MYRF: variants seen among roughly 807,000 people sequenced by gnomAD.
MYRF encodes the protein myelin gene regulatory factor.
In MYRF, 16 loss-of-function variants were observed where a neutral mutation model predicts 126.3. The observed-to-expected ratio is 0.13, with a 90% CI of 0.09 to 0.19. MYRF has a LOEUF of 0.19. Ranked by LOEUF, MYRF falls within the 10% of genes least tolerant of loss-of-function variation. The pLI, the probability that MYRF is intolerant of heterozygous loss-of-function variation, is 1.00. For synonymous variants in MYRF, 608 were observed against 635.3 expected, an observed-to-expected ratio of 0.96 and a Z score of 0.65; for missense variants, 1,104 against 1,547.0, an observed-to-expected ratio of 0.71 and a Z score of 4.80.
intron 5 of MYRF, among the ~76,000 whole-genome samples, chr11:61,771,243 C>T (rs1003293478): frequency 6.6e-6 from 1 of 152,218 alleles, no homozygotes; most frequent in Admixed American, 6.5e-5. Flanking sequence ...TGTTGCTGGG[C>T]ATGATGGAGA....
intron 21 of MYRF, 84 bp from the exon 22 acceptor site, chr11:61,781,489 C>T (rs569077696): frequency 2.1e-5 from 32 of 1,555,148 alleles, no homozygotes; most frequent in African/African-American, 2.7e-5. Context: ...ATGGGGTTCA[C>T]TCAGTCTTGT....
rs1035939511 is a variant in MYRF, at chr11:61,757,372, C to T, written c.46+4582C>T. 45 of 454,166 alleles carry T rather than the reference C, an allele frequency of 9.9e-5. No individual in the cohort carries two copies. The highest frequency in any genetic ancestry group is 8.0e-4 in the African/African-American group (40 of 50,142). 28.1% of individuals were successfully genotyped at this position (454,166 alleles called of 1,614,324 possible). A position where few individuals can be genotyped will look rare whatever the true frequency, so the allele number is the denominator to read the frequency against. On this transcript the variant is annotated intron_variant, in intron 1 of 26. Coordinates refer to ENST00000278836, the MANE Select transcript of MYRF (RefSeq NM_001127392.3). This position sits in a 1 kb window ranked among gnomAD's most constrained non-coding sequence, Gnocchi z 4.7. The stretch of plus-strand genomic sequence containing the variant: ...TGCCTCCGCTTTCTCATCTGTAAAA[C>T]GGGAGTGCAGTTGTAATGGCAGGGC...
Position 61,771,739 on chromosome 11 carries a change from C to T in MYRF, c.980C>T (p.Ala327Val), listed in dbSNP as rs758533263. ...VQTPPWHPPG[A>V]PSPGLLQDSD... ...ACACCGCCTTGGCACCCGCCAGGTG[C>T]CCCCTCCCCAGGTACATGGCTGGCC... Residue 327 changes from alanine (A) to valine (V), a missense_variant, in exon 6 of 27, where the codon GCC (alanine) becomes GTC (valine). By Grantham distance (64) the Ala-to-Val change is moderately conservative (BLOSUM62 0). Around this residue, in one of 10 missense-constraint regions of MYRF, gnomAD observed 87 missense variants for 129.2 expected, o/e 0.67. Coordinates refer to ENST00000278836, the MANE Select transcript of MYRF (RefSeq NM_001127392.3). 8 of 1,611,630 alleles carry T rather than the reference C, an allele frequency of 5.0e-6. No homozygotes were observed. The highest frequency in any genetic ancestry group is 1.3e-5 in the African/African-American group (1 of 75,006).
intron 15 of MYRF, 24 bp from the exon 16 acceptor site, chr11:61,779,474 C>T (rs1365104755): frequency 6.5e-7 from 1 of 1,537,970 alleles, no homozygotes; most frequent in African/African-American, 1.4e-5. Context: ...AGGGACACCC[C>T]TGATCCTGGC....
At chr11:61,782,105 C>A in intron 22 of MYRF, 1 of 371,828 alleles carries the variant, frequency 2.7e-6, no homozygotes, top group Non-Finnish European at 4.8e-6. Flanking sequence ...GGTTATACAG[C>A]CCCTCCGAGG....
intron 1 of MYRF, among the ~76,000 whole-genome samples, chr11:61,765,208 C>T (rs1231317910): frequency 6.6e-6 from 1 of 152,228 alleles, no homozygotes; most frequent in Non-Finnish European, 1.5e-5. Flanking sequence ...GCAGTGGGCA[C>T]CCACGGGGCT....
In MYRF at chr11:61,780,624, C is replaced by T. The variant is rs886290593; in HGVS notation, c.2406-88C>T. 45 of 1,323,704 alleles carry T rather than the reference C, an allele frequency of 3.4e-5. No individual in the cohort carries two copies. In the African/African-American group the frequency reaches 4.1e-4, roughly 12 times the overall value. The allele number at this position is 1,323,704 out of a possible 1,614,324, so 82.0% of individuals were successfully genotyped here. On this transcript the variant is annotated intron_variant, in intron 18 of 26. Coordinates refer to ENST00000278836, the MANE Select transcript of MYRF (RefSeq NM_001127392.3). ...CTTGGGCTCTGTGAGCCCACTGTCA[C>T]CCCCAGCTCCTGGGGCCACCTCTGA...
Position 61,777,745 on chromosome 11 carries a change from C to T in MYRF, c.1803C>T (p.Thr601=). 1 of 1,551,060 alleles carries T rather than the reference C, an allele frequency of 6.4e-7. No homozygotes were observed. The highest frequency in any genetic ancestry group is 1.4e-5 in the African/African-American group (1 of 73,156). The change falls in exon 13 of 27, where the codon ACC becomes ACT. Residue 601 remains threonine (T), a synonymous_variant. Transcript: ENST00000278836. The surrounding 1 kb of genome is among the most constrained non-coding windows in gnomAD (Gnocchi z 8.8). ...AKEHVQEVDT[T]EQLKRISRMR... is the part of the protein sequence containing the mutation. ...CTGGCTCCCCGCAGGTGGACACCACCGAGCAATTGAAGAGGATCTCGCGCA... is the reference window on the plus strand; with the variant it reads ...CTGGCTCCCCGCAGGTGGACACCACTGAGCAATTGAAGAGGATCTCGCGCA...
At chr11:61,785,680 C>G in intron 25 of MYRF, 120 bp from the exon 26 acceptor site, 1 of 760,750 alleles carries the variant, frequency 1.3e-6, no homozygotes, top group Non-Finnish European at 2.3e-6. Flanking sequence ...CTTCAAAGTT[C>G]TCTGCTTTTT....
intron 8 of MYRF, among the ~76,000 whole-genome samples, chr11:61,774,521 C>CA (rs1404658465): frequency 8.8e-4 from 89 of 100,782 alleles, no homozygotes; most frequent in East Asian, 4.8e-3. Flanking sequence ...GACTTCATCT[C>CA]AAAAAAAAAA....
At chr11:61,763,008 G>C (rs1351366406) in intron 1 of MYRF, among the ~76,000 whole-genome samples, 1 of 152,246 alleles carries the variant, frequency 6.6e-6, no homozygotes, top group Non-Finnish European at 1.5e-5. Context: ...GATTAGGGGC[G>C]ATTAGGAGTG....
At position 61,780,780 on chromosome 11, in the gene MYRF, C is replaced by T; in HGVS notation, c.2474C>T (p.Ala825Val). 1.9e-6 allele frequency: 3 copies of T among 1,546,342 alleles called. No homozygotes were observed. The highest frequency in any genetic ancestry group is 2.4e-5 in the East Asian group (1 of 41,074). Residue 825 changes from alanine (A) to valine (V), a missense_variant, in exon 19 of 27, where the codon GCC becomes GTC. This residue lies in a region of MYRF where 323 missense variants were observed against 383.1 expected (regional missense o/e 0.84). Transcript: ENST00000278836. ...LRPQPPGGSE[A>V]LCPWSSQSFG... ...CCCCAGCCCCCTGGGGGGAGTGAGG[C>T]CTTGTGCCCATGGTACGTGCTGACC... is the stretch of plus-strand genomic sequence containing the variant.
Position 61,757,467 on chromosome 11 carries a change from T to C in MYRF, c.46+4677T>C, listed in dbSNP as rs2065791725. 2.2e-6 allele frequency: 1 copy of C among 456,104 alleles called. No homozygotes were observed. Among genetic ancestry groups the C allele is most frequent in the African/African-American group, 2.0e-5 (1 of 50,050 alleles). The allele number at this position is 456,104 out of a possible 1,614,324, so 28.3% of individuals were successfully genotyped here. A position where few individuals can be genotyped will look rare whatever the true frequency, so the allele number is the denominator to read the frequency against. Reference sequence around the variant, plus strand: ...GCCTGGTGAACACTCCATTGGTCCATGGCAGGTGTTCTGCGCCCTACCTTG... The same window carrying C: ...GCCTGGTGAACACTCCATTGGTCCACGGCAGGTGTTCTGCGCCCTACCTTG... On this transcript the variant is annotated intron_variant, in intron 1 of 26. Transcript: ENST00000278836. The surrounding 1 kb of genome is among the most constrained non-coding windows in gnomAD (Gnocchi z 4.7).
chr11:61,784,236 G>A (rs2066630931), intron 24 of MYRF, 44 bp from the exon 25 acceptor site: 1 of 1,574,390 alleles, frequency 6.4e-7, no homozygotes, highest in Non-Finnish European at 8.7e-7. Flanking sequence ...TGGGGTTGAG[G>A]GACTCTAGAA....
chr11:61,775,577 T>C (rs1481781065), intron 8 of MYRF, among the ~76,000 whole-genome samples: 1 of 152,084 alleles, frequency 6.6e-6, no homozygotes, highest in Non-Finnish European at 1.5e-5. Context: ...GCTCTGCCAG[T>C]GCACGTGGAG....
intron 22 of MYRF, 85 bp downstream of exon 22, chr11:61,781,909 T>C (rs2135879518): frequency 1.4e-6 from 2 of 1,425,780 alleles, no homozygotes; most frequent in African/African-American, 1.4e-5. Flanking sequence ...CATGTGACTG[T>C]CTGGGTTCAG....
chr11:61,769,379 C>A, intron 4 of MYRF, 58 bp downstream of exon 4: 7 of 1,405,144 alleles, frequency 5.0e-6, no homozygotes, highest in African/African-American at 1.4e-5. Flanking sequence ...GTTGGGGCGG[C>A]CTTATCAGGG....
chr11:61,764,874 C>G (rs771284007), intron 1 of MYRF, among the ~76,000 whole-genome samples: 1 of 152,238 alleles, frequency 6.6e-6, no homozygotes, highest in Non-Finnish European at 1.5e-5. Context: ...CCATCATTCC[C>G]TGCTGGGAGG....
chr11:61,769,157 A>G (rs1565288732), intron 3 of MYRF, 103 bp from the exon 4 acceptor site: 2 of 675,022 alleles, frequency 3.0e-6, no homozygotes, highest in Non-Finnish European at 5.3e-6. Context: ...CAGTGTCGCC[A>G]GCTTCTGGGG....
Sources: gnomAD v4.1 joint callset for allele counts (sites outside exome capture counted in the v4.1 genomes callset) on GRCh38, gnomAD v4.1.1 for gene constraint, gnomAD v4.1.1 regional missense constraint, Gnocchi (gnomAD v3.1) non-coding constraint, MANE v1.5 for transcripts, NCBI Gene and HGNC (gene_info 2026-07-23, HGNC 2026-07-21) for gene names.